ERC2: variants seen among roughly 807,000 people sequenced by gnomAD.
ERC2 encodes the protein ERC protein 2.
Under a neutral mutation model 114.8 loss-of-function variants are expected in ERC2, and 42 were observed. The ratio of observed to expected loss-of-function variants is 0.37; its 90% CI spans 0.29 to 0.47. The LOEUF (loss-of-function observed/expected upper bound fraction) is 0.47, where lower values mean the gene tolerates loss of function less well. Ranked by LOEUF, ERC2 falls within the 20% of genes least tolerant of loss-of-function variation. The probability of loss-of-function intolerance (pLI) is 0.99; values close to 1 mark genes in which losing one functional copy is unlikely to be tolerated. For missense variants in ERC2, 939 were observed against 1,150.7 expected, an observed-to-expected ratio of 0.82 and a Z score of 2.66; for synonymous variants, 454 against 425.5, an observed-to-expected ratio of 1.07 and a Z score of -0.82.
intron 17 of ERC2, among the ~76,000 whole-genome samples, chr3:55,634,277 T>C (rs943387266): frequency 6.6e-6 from 1 of 152,138 alleles, no homozygotes; most frequent in Admixed American, 6.5e-5. Context: ...ATCCATGCAT[T>C]CCCCCAGGAT....
intron 14 of ERC2, among the ~76,000 whole-genome samples, chr3:55,837,402 C>T (rs1051294406): frequency 1.3e-5 from 2 of 152,052 alleles, no homozygotes; most frequent in Non-Finnish European, 2.9e-5. Context: ...GGCACATATA[C>T]ACCATGGAAT....
chr3:56,419,547 G>A (rs927968058), intron 2 of ERC2, among the ~76,000 whole-genome samples: 30 of 152,152 alleles, frequency 2.0e-4, no homozygotes, highest in African/African-American at 7.0e-4. Flanking sequence ...TCTTACCAAT[G>A]TACATACCCT....
intron 16 of ERC2, among the ~76,000 whole-genome samples, chr3:55,695,391 TG>T (rs1453851823): frequency 4.6e-5 from 7 of 152,186 alleles, no homozygotes; most frequent in Non-Finnish European, 1.0e-4. Context: ...GTGACCATCC[TG>T]GGGGTCACAG....
chr3:56,168,335 G>A (rs1417007130), intron 4 of ERC2, among the ~76,000 whole-genome samples: 1 of 152,124 alleles, frequency 6.6e-6, no homozygotes, highest in Non-Finnish European at 1.5e-5. Flanking sequence ...TGCTGTTATT[G>A]TTTTTAATAG....
intron 14 of ERC2, among the ~76,000 whole-genome samples, chr3:55,867,239 T>TAAG (rs1321287228): frequency 1.3e-5 from 2 of 152,062 alleles, no homozygotes; most frequent in Non-Finnish European, 2.9e-5. Flanking sequence ...AAATCAAGTG[T>TAAG]AAGCTGCCTG....
Position 56,067,585 on chromosome 3 carries a change from T to C in ERC2, c.1641+13232A>G, listed in dbSNP as rs140815892. 8.3e-4 allele frequency among the ~76,000 whole-genome samples: 126 copies of C among 152,296 alleles called. 2 individuals carry two copies. In the East Asian group the frequency reaches 0.023, roughly 28 times the overall value. ...TCAGAACTTCCAATACTATGTTGAA[T>C]AGGAGTGGTGAAAGAGGGTATCCTT... On this transcript the variant is annotated intron_variant, in intron 7 of 17. Transcript: ENST00000288221.
At chr3:55,534,029 G>A (rs371550511) in intron 17 of ERC2, among the ~76,000 whole-genome samples, 1 of 152,082 alleles carries the variant, frequency 6.6e-6, no homozygotes, top group African/African-American at 2.4e-5. Context: ...TTGGGCAAGC[G>A]ACATCCTCTC....
chr3:56,082,542 TAACA>T (rs2077292990), intron 6 of ERC2, among the ~76,000 whole-genome samples: 1 of 152,054 alleles, frequency 6.6e-6, no homozygotes, highest in Non-Finnish European at 1.5e-5. Context: ...AAAGACACCT[TAACA>T]CTTGATTGTA....
chr3:55,627,472 G>GA (rs958912779), intron 17 of ERC2, among the ~76,000 whole-genome samples: 4 of 150,310 alleles, frequency 2.7e-5, no homozygotes, highest in Non-Finnish European at 5.9e-5. Flanking sequence ...TCTCAAAAAA[G>GA]AAAAAAAAGA....
intron 17 of ERC2, among the ~76,000 whole-genome samples, chr3:55,610,064 C>CAAAAAAAAAAAAAAAAAAAAAA (rs36088271): frequency 7.6e-5 from 9 of 118,760 alleles, no homozygotes; most frequent in South Asian, 2.8e-4. Flanking sequence ...CAAACACAAA[C>CAAAAAAAAAAAAAAAAAAAAAA]AAAAAAAAAA....
chr3:56,404,364 T>G (rs2060630658), intron 2 of ERC2, among the ~76,000 whole-genome samples: 1 of 152,220 alleles, frequency 6.6e-6, no homozygotes, highest in Non-Finnish European at 1.5e-5. Context: ...TCATGCATAT[T>G]AATTATTCAG....
rs113633654 is a variant in ERC2 at position 55,958,595 on chromosome 3, G to A, written c.2268-8035C>T. ...GCCCAGGATATTCATGTAGAGGGGT[G>A]CCTGCAGGCCCATGCCAAGCCATCC... On this transcript the variant is annotated intron_variant, in intron 12 of 17. Coordinates refer to ENST00000288221, the MANE Select transcript of ERC2 (RefSeq NM_015576.3). Among the ~76,000 whole-genome samples, 817 of 152,306 alleles carry A rather than the reference G, an allele frequency of 5.4e-3. 11 individuals carry two copies. Among genetic ancestry groups the A allele is most frequent in the African/African-American group, 0.019 (784 of 41,568 alleles).
chr3:55,742,951 C>A (rs2066061006), intron 14 of ERC2, among the ~76,000 whole-genome samples: 1 of 152,144 alleles, frequency 6.6e-6, no homozygotes, highest in African/African-American at 2.4e-5. Flanking sequence ...AGGTGGGGCC[C>A]ACAGGGTGAG....
At chr3:55,738,610 C>A (rs1429727278) in intron 14 of ERC2, among the ~76,000 whole-genome samples, 1 of 152,136 alleles carries the variant, frequency 6.6e-6, no homozygotes, top group Non-Finnish European at 1.5e-5. Context: ...CAATCTACAT[C>A]ATCTACCACT....
At chr3:55,566,030 A>G (rs1187561767) in intron 17 of ERC2, among the ~76,000 whole-genome samples, 1 of 152,224 alleles carries the variant, frequency 6.6e-6, no homozygotes, top group East Asian at 1.9e-4. Flanking sequence ...CTTGGGGGGA[A>G]ATGTCTTAGC....
In ERC2 at chr3:56,099,589, C is replaced by T. The variant is rs549247752; in HGVS notation, c.1474-18605G>A. On this transcript the variant is annotated intron_variant, in intron 6 of 17. Coordinates refer to ENST00000288221, the MANE Select transcript of ERC2 (RefSeq NM_015576.3). ...GTCCAAGAGTCTCCATCAATAGAGC[C>T]GGAGGGGAAGTACACGGGATCTCCA... is the stretch of plus-strand genomic sequence containing the variant. Among the ~76,000 whole-genome samples the T allele has an allele frequency of 3.4e-4, 52 of 152,098 alleles. 1 individual carries two copies. The highest frequency in any genetic ancestry group is 2.9e-3 in the South Asian group (14 of 4,802).
intron 4 of ERC2, among the ~76,000 whole-genome samples, chr3:56,151,848 T>C (rs1352167088): frequency 6.6e-6 from 1 of 152,152 alleles, no homozygotes; most frequent in Non-Finnish European, 1.5e-5. Context: ...AAAAAATACA[T>C]ATATGAAGAC....
At chr3:56,078,205 A>G (rs931750709) in intron 7 of ERC2, among the ~76,000 whole-genome samples, 7 of 152,318 alleles carry the variant, frequency 4.6e-5, no homozygotes, top group African/African-American at 1.7e-4. Context: ...AGAGGATCCA[A>G]TGACCAGGAC....
intron 2 of ERC2, among the ~76,000 whole-genome samples, chr3:56,320,937 T>A (rs188984567): frequency 2.8e-4 from 43 of 152,288 alleles, no homozygotes; most frequent in Middle Eastern, 3.4e-3. Context: ...GTCTGCCCAT[T>A]GTAGCCCCTC....
Sources: allele counts gnomAD v4.1 joint callset (sites outside exome capture counted in the v4.1 genomes callset), GRCh38; gene constraint gnomAD v4.1.1; transcripts MANE v1.5; gene names NCBI Gene and HGNC (gene_info 2026-07-23, HGNC 2026-07-21).